The following MAP3K14 variants were observed in gnomAD, a reference collection of about 807,000 sequenced individuals.
MAP3K14 encodes NF-kappa-beta-inducing kinase.
Under a neutral mutation model 99.2 loss-of-function variants are expected in MAP3K14, and 16 were observed. The observed-to-expected ratio is 0.16, with a 90% CI of 0.11 to 0.24. MAP3K14 has a LOEUF of 0.24. Ranked by LOEUF, MAP3K14 falls within the 10% of genes least tolerant of loss-of-function variation. The probability of loss-of-function intolerance (pLI) is 1.00; values close to 1 mark genes in which losing one functional copy is unlikely to be tolerated. For missense variants in MAP3K14, 784 were observed against 1,208.7 expected (o/e 0.65, Z 5.21); for synonymous variants, 462 against 492.4 (o/e 0.94, Z 0.82).
chr17:45,279,524 C>T (rs936129184), intron 6 of MAP3K14, among the ~76,000 whole-genome samples: 13 of 151,970 alleles, frequency 8.6e-5, no homozygotes, highest in Non-Finnish European at 1.3e-4. Context: ...CCTCTGCCTC[C>T]CAGGTTCAAG....
Position 45,284,888 on chromosome 17 carries a change from C to A in MAP3K14, c.1214G>T (p.Arg405Leu). The A allele has an allele frequency of 6.4e-7, 1 of 1,565,818 alleles. No homozygotes were observed. The highest frequency in any genetic ancestry group is 8.7e-7 in the Non-Finnish European group (1 of 1,155,134). ...CTCTCCGAAGGAGCCTCTGCCCAGGCGGAGCTGGTGCGTGGCCCAGTGGAC... is the reference window on the plus strand; with the variant it reads ...CTCTCCGAAGGAGCCTCTGCCCAGGAGGAGCTGGTGCGTGGCCCAGTGGAC... ...EEVHWATHQL[R>L]LGRGSFGEVH... Residue 405 changes from arginine to leucine, a missense_variant, in exon 6 of 16, where the codon CGC (arginine) becomes CTC (leucine). Arg to Leu is a moderately radical substitution (Grantham distance 102). This residue lies in a region of MAP3K14 where 200 missense variants were observed against 367.9 expected (regional missense o/e 0.54). Transcript: ENST00000344686.
At chr17:45,308,194 A>T (rs1056785218) in intron 1 of MAP3K14, among the ~76,000 whole-genome samples, 5 of 152,202 alleles carry the variant, frequency 3.3e-5, no homozygotes, top group Non-Finnish European at 5.9e-5. Context: ...TTTGGATTCA[A>T]GTCTTGTACT....
At chr17:45,276,751 G>T (rs1225554016) in intron 6 of MAP3K14, among the ~76,000 whole-genome samples, 1 of 150,114 alleles carries the variant, frequency 6.7e-6, no homozygotes. Context: ...GACCTCAGGT[G>T]ATCCGCCTAC....
In MAP3K14 at chr17:45,274,489, G is replaced by T. The variant is rs535998041; in HGVS notation, c.1395C>A (p.Val465=). 6.2e-7 allele frequency: 1 copy of T among 1,613,852 alleles called. No homozygotes were observed. Among genetic ancestry groups the T allele is most frequent in the African/African-American group, 1.3e-5 (1 of 74,938 alleles). Residue 465 remains valine (V), a synonymous_variant, in exon 7 of 16, where the codon GTC becomes GTA. Transcript: ENST00000344686. ...LYGAVREGPW[V]NIFMELLEGG... is the part of the protein sequence containing the mutation. ...CTTCCAGCAGCTCCATGAAGATGTT[G>T]ACCCAAGGCCCTTCTCTCACAGCTC... is the stretch of plus-strand genomic sequence containing the variant.
At chr17:45,284,310 C>T (rs2044246548) in intron 6 of MAP3K14, among the ~76,000 whole-genome samples, 1 of 152,248 alleles carries the variant, frequency 6.6e-6, no homozygotes, top group Admixed American at 6.5e-5. Flanking sequence ...ACATGTCTGT[C>T]TTGCAGGACT....
Position 45,286,064 on chromosome 17 carries a change from A to G in MAP3K14, c.1152+367T>C, listed in dbSNP as rs1247634464. On this transcript the variant is annotated intron_variant, in intron 5 of 15. Transcript: ENST00000344686. The surrounding 1 kb of genome is among the most constrained non-coding windows in gnomAD (Gnocchi z 4.1). Reference sequence around the variant, plus strand: ...TATAAAATTATTTGGGAAGTTAACAAGAGGAAAAAGGGAAGGAGGTGGGTG... The same window carrying G: ...TATAAAATTATTTGGGAAGTTAACAGGAGGAAAAAGGGAAGGAGGTGGGTG... Among the ~76,000 whole-genome samples, 1 of 152,162 alleles carries G rather than the reference A, an allele frequency of 6.6e-6. No homozygotes were observed. The highest frequency in any genetic ancestry group is 1.5e-5 in the Non-Finnish European group (1 of 68,022).
At chr17:45,314,966 C>T (rs915111279) in intron 1 of MAP3K14, among the ~76,000 whole-genome samples, 2 of 151,716 alleles carry the variant, frequency 1.3e-5, no homozygotes, top group East Asian at 1.9e-4. Context: ...TTCACATCTC[C>T]GCAGATCTCT....
chr17:45,265,673 T>C (rs1328629539), intron 14 of MAP3K14, among the ~76,000 whole-genome samples: 1 of 152,158 alleles, frequency 6.6e-6, no homozygotes, highest in African/African-American at 2.4e-5. Flanking sequence ...CCTGACCTCA[T>C]GTAATCCACC....
At chr17:45,264,872 C>T in intron 15 of MAP3K14, 72 bp from the exon 16 acceptor site, 1 of 1,504,202 alleles carries the variant, frequency 6.6e-7, no homozygotes. Flanking sequence ...GTAAAGACAT[C>T]TCCTTCCAGC....
At chr17:45,278,273 A>C (rs966377363) in intron 6 of MAP3K14, among the ~76,000 whole-genome samples, 1 of 152,098 alleles carries the variant, frequency 6.6e-6, no homozygotes, top group Non-Finnish European at 1.5e-5. Flanking sequence ...TTCAAAATAC[A>C]AGGTGCTTTA....
rs540294731 is a variant in MAP3K14, at chr17:45,310,125, C to T, written c.-21+6835G>A. The stretch of plus-strand genomic sequence containing the variant: ...CTTGGCTCACTGCAACCTCCACCTC[C>T]CAGGTTCAAGTGATTCTCCTACCCC... On this transcript the variant is annotated intron_variant, in intron 1 of 15. Coordinates refer to ENST00000344686, the MANE Select transcript of MAP3K14 (RefSeq NM_003954.5). Among the ~76,000 whole-genome samples the T allele has an allele frequency of 5.3e-5, 8 of 151,742 alleles. No individual in the cohort carries two copies. The South Asian group carries it at 1.7e-3, about 32-fold the overall frequency.
intron 14 of MAP3K14, among the ~76,000 whole-genome samples, chr17:45,265,932 T>C (rs2044077541): frequency 6.6e-6 from 1 of 152,270 alleles, no homozygotes; most frequent in African/African-American, 2.4e-5. Flanking sequence ...ACAAGGATTC[T>C]TAAATTAGAT....
chr17:45,265,305 G>A (rs2143760682), intron 14 of MAP3K14, 42 bp from the exon 15 acceptor site: 1 of 1,347,212 alleles, frequency 7.4e-7, no homozygotes, highest in Non-Finnish European at 1.1e-6. Context: ...GCGGCTGCTG[G>A]CTCCCCAAGG....
chr17:45,310,643 C>T (rs894853999), intron 1 of MAP3K14, among the ~76,000 whole-genome samples: 3 of 152,140 alleles, frequency 2.0e-5, no homozygotes, highest in African/African-American at 7.2e-5. Flanking sequence ...ATGCATGCAC[C>T]TCCTGCACAG....
At chr17:45,271,390 G>A (rs990933562) in intron 9 of MAP3K14, among the ~76,000 whole-genome samples, 169 bp from the exon 10 acceptor site, 2 of 152,180 alleles carry the variant, frequency 1.3e-5, no homozygotes, top group Admixed American at 1.3e-4. Context: ...CTGTCACCCA[G>A]GCTGGAGTAC....
intron 11 of MAP3K14, 45 bp downstream of exon 11, chr17:45,270,366 CCT>C: frequency 1.3e-6 from 2 of 1,588,184 alleles, no homozygotes; most frequent in Non-Finnish European, 1.7e-6. Context: ...CCTCTGTCCA[CCT>C]CTGTCTTCTG....
rs1225061247 is a variant in MAP3K14 at position 45,272,751 on chromosome 17, C to A, written c.1657+752G>T. On this transcript the variant is annotated intron_variant, in intron 9 of 15. Transcript: ENST00000344686. This position sits in a 1 kb window ranked among gnomAD's most constrained non-coding sequence, Gnocchi z 4.1. ...GGTCTGGAGTTTGAGACTGGCCTGG[C>A]CAATATGGCAAAACCCCGTCCCTAC... 6.6e-6 allele frequency among the ~76,000 whole-genome samples: 1 copy of A among 152,140 alleles called. No individual in the cohort carries two copies.
rs552781039 is a variant in MAP3K14 at position 45,285,094 on chromosome 17, G to A, written c.1153-145C>T. 1,160 of 850,296 alleles carry A rather than the reference G, an allele frequency of 1.4e-3. 1 individual carries two copies. The highest frequency in any genetic ancestry group is 1.9e-3 in the Non-Finnish European group (1,051 of 554,440). 52.7% of individuals were successfully genotyped at this position (850,296 alleles called of 1,614,324 possible). On this transcript the variant is annotated intron_variant, in intron 5 of 15. Transcript: ENST00000344686. ...ACAACCAGGCAGCCCTGGGGCGAAG[G>A]CAGGGATCTGAGCCGGGCAGCACCA...
At chr17:45,300,132 C>T (rs1315528307) in intron 1 of MAP3K14, among the ~76,000 whole-genome samples, 1 of 152,190 alleles carries the variant, frequency 6.6e-6, no homozygotes, top group Non-Finnish European at 1.5e-5. Flanking sequence ...ACAGGTCAAA[C>T]TGCAGGGTAA....
Sources: allele counts gnomAD v4.1 joint callset (sites outside exome capture counted in the v4.1 genomes callset), GRCh38; gene constraint gnomAD v4.1.1; regional missense constraint gnomAD v4.1.1; non-coding constraint Gnocchi (gnomAD v3.1); transcripts MANE v1.5; gene names NCBI Gene and HGNC (gene_info 2026-07-23, HGNC 2026-07-21).